MAPKAP1: variants seen among roughly 807,000 people sequenced by gnomAD.
MAPKAP1 encodes target of rapamycin complex 2 subunit MAPKAP1.
Under a neutral mutation model 65.7 loss-of-function variants are expected in MAPKAP1, and 20 were observed. That is an observed-to-expected ratio of 0.30 (90% CI 0.21 to 0.44). The LOEUF is 0.44. Ranked by LOEUF, MAPKAP1 falls within the 20% of genes least tolerant of loss-of-function variation. The pLI is 1.00. For synonymous variants in MAPKAP1, 222 were observed against 244.3 expected (o/e 0.91, Z 0.85); for missense variants, 423 against 648.0 (o/e 0.65, Z 3.77).
intron 4 of MAPKAP1, among the ~76,000 whole-genome samples, chr9:125,612,998 A>T (rs1832647116): frequency 2.0e-5 from 3 of 152,238 alleles, no homozygotes; most frequent in Non-Finnish European, 2.9e-5. Flanking sequence ...GCCCTCAGAC[A>T]TAAGGATCTG....
chr9:125,585,218 A>G (rs1471692289), intron 5 of MAPKAP1, among the ~76,000 whole-genome samples: 3 of 152,148 alleles, frequency 2.0e-5, no homozygotes, highest in South Asian at 4.1e-4. Flanking sequence ...TACCAGCTAC[A>G]AAGTGCCCAG....
chr9:125,453,498 A>G (rs769875997), intron 10 of MAPKAP1, among the ~76,000 whole-genome samples: 40 of 152,376 alleles, frequency 2.6e-4, no homozygotes, highest in Non-Finnish European at 4.3e-4. Flanking sequence ...ACTCCCGCAG[A>G]TATGTTTTTG....
intron 4 of MAPKAP1, among the ~76,000 whole-genome samples, chr9:125,592,922 G>T (rs1385625035): frequency 8.2e-6 from 1 of 121,582 alleles, no homozygotes; most frequent in African/African-American, 2.8e-5. Context: ...AAAAAAAAAA[G>T]GAACATACTA....
chr9:125,684,982 C>T (rs890227709), intron 1 of MAPKAP1, among the ~76,000 whole-genome samples: 1 of 152,224 alleles, frequency 6.6e-6, no homozygotes, highest in Non-Finnish European at 1.5e-5. Context: ...TTGCTCCCTC[C>T]ATGTGCCCAT....
At chr9:125,497,468 T>C (rs1004043895) in intron 8 of MAPKAP1, among the ~76,000 whole-genome samples, 2 of 152,212 alleles carry the variant, frequency 1.3e-5, no homozygotes, top group African/African-American at 4.8e-5. Flanking sequence ...CTCATTATTG[T>C]TCATGTGATA....
intron 4 of MAPKAP1, chr9:125,596,384 T>C (rs1350947147): frequency 6.2e-6 from 5 of 812,704 alleles, no homozygotes; most frequent in Non-Finnish European, 4.3e-6. Flanking sequence ...ATGGTGGCAG[T>C]AGGGATGGCT....
chr9:125,450,773 G>T (rs553380303), intron 10 of MAPKAP1, among the ~76,000 whole-genome samples: 8 of 152,306 alleles, frequency 5.3e-5, no homozygotes, highest in African/African-American at 1.9e-4. Flanking sequence ...GAAACCGATG[G>T]GAACACACAT....
At chr9:125,700,100 A>T (rs1341493158) in intron 1 of MAPKAP1, among the ~76,000 whole-genome samples, 1 of 152,238 alleles carries the variant, frequency 6.6e-6, no homozygotes, top group Non-Finnish European at 1.5e-5. Context: ...GCCAATAATC[A>T]AATCCAAGCG....
intron 1 of MAPKAP1, among the ~76,000 whole-genome samples, chr9:125,693,711 ATATATACACG>A (rs1183373379): frequency 6.5e-5 from 3 of 46,082 alleles, no homozygotes; most frequent in East Asian, 4.7e-4. Context: ...ATATATACAC[ATATATACACG>A]TATATACACA....
intron 10 of MAPKAP1, among the ~76,000 whole-genome samples, chr9:125,454,928 G>A (rs1179740743): frequency 1.3e-5 from 2 of 152,082 alleles, no homozygotes; most frequent in Admixed American, 1.3e-4. Context: ...GCTCATGCCT[G>A]TAATCCCAGC....
chr9:125,450,839 G>A (rs1677345127), intron 10 of MAPKAP1, among the ~76,000 whole-genome samples: 1 of 152,102 alleles, frequency 6.6e-6, no homozygotes, highest in Admixed American at 6.5e-5. Context: ...GCTGGACTGG[G>A]GTTCTTTGGT....
chr9:125,626,489 C>T (rs560785091), intron 4 of MAPKAP1, among the ~76,000 whole-genome samples: 2 of 152,354 alleles, frequency 1.3e-5, no homozygotes, highest in African/African-American at 4.8e-5. Flanking sequence ...CCAACAGCCA[C>T]TAGCCACATT....
At chr9:125,566,922 A>C (rs1831073114) in intron 5 of MAPKAP1, among the ~76,000 whole-genome samples, 1 of 152,206 alleles carries the variant, frequency 6.6e-6, no homozygotes, top group Non-Finnish European at 1.5e-5. Context: ...AGCCACCTCA[A>C]ACTAACAGGC....
At chr9:125,576,832 C>CCAGG (rs2131553766) in intron 5 of MAPKAP1, among the ~76,000 whole-genome samples, 1 of 152,194 alleles carries the variant, frequency 6.6e-6, no homozygotes, top group East Asian at 1.9e-4. Flanking sequence ...TCAATGGTGC[C>CCAGG]CAGGCTGGAG....
chr9:125,502,294 G>T (rs1014697510), intron 8 of MAPKAP1, among the ~76,000 whole-genome samples: 1 of 151,806 alleles, frequency 6.6e-6, no homozygotes, highest in Non-Finnish European at 1.5e-5. Flanking sequence ...TAGAGATGGG[G>T]TTTCACCATT....
Position 125,444,577 on chromosome 9 carries a change from G to A in MAPKAP1, c.1367C>T (p.Thr456Met), listed in dbSNP as rs757660392. 21 of 1,613,448 alleles carry A rather than the reference G, an allele frequency of 1.3e-5. No homozygotes were observed. The highest frequency in any genetic ancestry group is 1.7e-5 in the Admixed American group (1 of 59,938). Reference protein sequence around the residue: ...KSPSHAIFKLTYLSNHDYKHL... With the variant: ...KSPSHAIFKLMYLSNHDYKHL... ...TTTATAGTCGTGATTGCTTAGATAC[G>A]TGAGTTTAAATATTGCGTGACCTGC... is the stretch of plus-strand genomic sequence containing the variant. Residue 456 changes from threonine to methionine, a missense_variant, in exon 11 of 12, where the codon ACG (threonine) becomes ATG (methionine). Around this residue, in one of 6 missense-constraint regions of MAPKAP1, gnomAD observed 185 missense variants for 268.1 expected, o/e 0.69. Transcript: ENST00000265960.
chr9:125,489,655 C>T lies in MAPKAP1; in HGVS notation c.1067-5072G>A, dbSNP rs185323891. On this transcript the variant is annotated intron_variant, in intron 8 of 11. Transcript: ENST00000265960. ...GGAATACAAAATCAGGAAAGGAGAA[C>T]TGAGGAATGAGGCCTCACACCTGTC... 9.2e-5 allele frequency among the ~76,000 whole-genome samples: 14 copies of T among 152,066 alleles called. No homozygotes were observed. The East Asian group carries it at 2.5e-3, about 27-fold the overall frequency.
At chr9:125,693,709 A>ATG (rs1835276455) in intron 1 of MAPKAP1, among the ~76,000 whole-genome samples, 2 of 127,820 alleles carry the variant, frequency 1.6e-5, no homozygotes, top group Admixed American at 1.5e-4. Flanking sequence ...GTATATATAC[A>ATG]CATATATACA....
intron 4 of MAPKAP1, among the ~76,000 whole-genome samples, chr9:125,629,889 C>T (rs1017229845): frequency 9.2e-5 from 14 of 152,094 alleles, no homozygotes; most frequent in Non-Finnish European, 1.9e-4. Flanking sequence ...TTTTAGATGT[C>T]CTTGGAGTAT....
Sources: gnomAD v4.1 joint callset for allele counts (sites outside exome capture counted in the v4.1 genomes callset) on GRCh38, gnomAD v4.1.1 for gene constraint, gnomAD v4.1.1 regional missense constraint, MANE v1.5 for transcripts, NCBI Gene and HGNC (gene_info 2026-07-23, HGNC 2026-07-21) for gene names.